NDFIP2: variants seen among roughly 807,000 people sequenced by gnomAD.
NDFIP2 encodes the protein NEDD4 family-interacting protein 2.
NDFIP2 carries 19 observed loss-of-function variants against 36.0 expected under a neutral mutation model. The observed-to-expected ratio is 0.53, with a 90% CI of 0.37 to 0.77. NDFIP2 has a LOEUF of 0.77. Ranked by LOEUF, NDFIP2 falls within the 30% of genes least tolerant of loss-of-function variation. The pLI, the probability that NDFIP2 is intolerant of heterozygous loss-of-function variation, is 0.00. For missense variants in NDFIP2, 446 were observed against 435.8 expected, an observed-to-expected ratio of 1.02 and a Z score of -0.21; for synonymous variants, 181 against 167.7, an observed-to-expected ratio of 1.08 and a Z score of -0.61.
In NDFIP2 at chr13:79,507,101, A is replaced by G. The variant is rs528480474; in HGVS notation, c.322-13709A>G. Among the ~76,000 whole-genome samples, 3 of 152,114 alleles carry G rather than the reference A, an allele frequency of 2.0e-5. No individual in the cohort carries two copies. In the South Asian group the frequency reaches 6.2e-4, roughly 32 times the overall value. On this transcript the variant is annotated intron_variant, in intron 1 of 7. Coordinates refer to ENST00000218652, the MANE Select transcript of NDFIP2 (RefSeq NM_019080.3). The stretch of plus-strand genomic sequence containing the variant: ...ATCTCTTTCTTCAGTTCTGAATTTT[A>G]TGTTGTATTTTTGCTTTTTTAGGGC...
intron 1 of NDFIP2, among the ~76,000 whole-genome samples, chr13:79,507,946 C>T (rs963962500): frequency 6.6e-6 from 1 of 151,492 alleles, no homozygotes; most frequent in African/African-American, 2.4e-5. Flanking sequence ...TGTTTTTCTG[C>T]TTTTCTTTGA....
rs143536057 is a variant in NDFIP2, at chr13:79,481,220, G to A, written c.17G>A (p.Ser6Asn). The part of the protein sequence containing the change: MARRR[S>N]QRVCASGPSM... ...GCGGCGCGGATGGCACGCCGGCGGA[G>A]CCAGCGAGTCTGCGCGAGCGGTCCG... is the stretch of plus-strand genomic sequence containing the variant. The change falls in exon 1 of 8, where the codon AGC becomes AAC. Residue 6 changes from serine (S) to asparagine (N), a missense_variant. Around this residue, in one of 2 missense-constraint regions of NDFIP2, gnomAD observed 369 missense variants for 304.8 expected, o/e 1.21. Coordinates refer to ENST00000218652, the MANE Select transcript of NDFIP2 (RefSeq NM_019080.3). 1,284 of 1,515,808 alleles carry A rather than the reference G, an allele frequency of 8.5e-4. 12 individuals carry two copies. The African/African-American group carries it at 0.016, about 19-fold the overall frequency. The allele number at this position is 1,515,808 out of a possible 1,614,324, so 93.9% of individuals were successfully genotyped here.
Position 79,485,316 on chromosome 13 carries a change from C to T in NDFIP2, c.321+3792C>T, listed in dbSNP as rs541990200. 7.4e-4 allele frequency among the ~76,000 whole-genome samples: 113 copies of T among 152,248 alleles called. 1 individual carries two copies. The highest frequency in any genetic ancestry group is 2.7e-3 in the African/African-American group (112 of 41,534). ...ACTGTGGTTGCCTGATCTTTGTTCC[C>T]TGTGTAACTTATTAGAAGAAACAGC... On this transcript the variant is annotated intron_variant, in intron 1 of 7. Transcript: ENST00000218652.
intron 1 of NDFIP2, among the ~76,000 whole-genome samples, chr13:79,509,940 G>C (rs762313701): frequency 2.0e-5 from 3 of 152,084 alleles, no homozygotes; most frequent in Non-Finnish European, 4.4e-5. Flanking sequence ...TGATTAGATG[G>C]TGCCCACTCA....
At chr13:79,525,729 A>G (rs929167387) in intron 2 of NDFIP2, among the ~76,000 whole-genome samples, 60 of 152,244 alleles carry the variant, frequency 3.9e-4, no homozygotes, top group African/African-American at 1.4e-3. Flanking sequence ...ATTCAGAACA[A>G]TGCACAATTT....
intron 1 of NDFIP2, among the ~76,000 whole-genome samples, chr13:79,490,984 A>G (rs557309297): frequency 6.6e-6 from 1 of 152,302 alleles, no homozygotes; most frequent in South Asian, 2.1e-4. Flanking sequence ...CATTGAGGTC[A>G]TTCTTGACTA....
In NDFIP2 at chr13:79,539,768, A is replaced by G; in HGVS notation, c.708A>G (p.Ala236=). 6.2e-7 allele frequency: 1 copy of G among 1,613,410 alleles called. No individual in the cohort carries two copies. Among genetic ancestry groups the G allele is most frequent in the Non-Finnish European group, 8.5e-7 (1 of 1,179,472 alleles). The change falls in exon 4 of 8, where the codon GCA becomes GCG. Residue 236 remains alanine, a synonymous_variant. Transcript: ENST00000218652. ...GGAATGATGGCATTTTCATGCTGGC[A>G]TTTTTCAGTAAGTAATCTTCCTAAA... ...RVGNDGIFML[A]FFMAFIFNWL... is the part of the protein sequence containing the mutation.
intron 1 of NDFIP2, among the ~76,000 whole-genome samples, chr13:79,501,275 C>T (rs547000209): frequency 4.6e-5 from 7 of 152,038 alleles, no homozygotes; most frequent in East Asian, 1.9e-4. Context: ...ATGGAAACAG[C>T]GCCAAGAGTG....
chr13:79,504,594 C>T (rs1306133212), intron 1 of NDFIP2, among the ~76,000 whole-genome samples: 2 of 151,518 alleles, frequency 1.3e-5, no homozygotes, highest in Admixed American at 1.3e-4. Flanking sequence ...AAACATTACA[C>T]TCAGTTATCA....
At chr13:79,502,603 CTAAT>C (rs1302214612) in intron 1 of NDFIP2, among the ~76,000 whole-genome samples, 3 of 152,054 alleles carry the variant, frequency 2.0e-5, no homozygotes, top group Admixed American at 6.6e-5. Flanking sequence ...TAAAGAAAAA[CTAAT>C]TAGAAGTACA....
intron 1 of NDFIP2, among the ~76,000 whole-genome samples, chr13:79,487,208 C>T (rs1442051147): frequency 6.6e-6 from 1 of 152,030 alleles, no homozygotes; most frequent in Non-Finnish European, 1.5e-5. Context: ...TCAATTCATA[C>T]CCCCCAGGTG....
intron 2 of NDFIP2, among the ~76,000 whole-genome samples, chr13:79,529,771 G>C (rs1874938733): frequency 6.6e-6 from 1 of 152,124 alleles, no homozygotes; most frequent in African/African-American, 2.4e-5. Context: ...TGTATTTTTA[G>C]GTTGAAAATG....
At chr13:79,513,436 A>C (rs1477374465) in intron 1 of NDFIP2, among the ~76,000 whole-genome samples, 1 of 152,264 alleles carries the variant, frequency 6.6e-6, no homozygotes, top group Non-Finnish European at 1.5e-5. Context: ...TAAACTTAAA[A>C]TATATCTAAC....
At chr13:79,500,815 T>C (rs73551558) in intron 1 of NDFIP2, among the ~76,000 whole-genome samples, 10,192 of 152,094 alleles carry the variant, frequency 0.067, 726 homozygotes, top group African/African-American at 0.17. Flanking sequence ...TCATGCTTCT[T>C]GATATTTACC....
chr13:79,552,028 T>C (rs1875927462), intron 7 of NDFIP2, among the ~76,000 whole-genome samples: 1 of 151,484 alleles, frequency 6.6e-6, no homozygotes, highest in African/African-American at 2.4e-5. Context: ...TTGCTTACAT[T>C]TTATCATTTA....
At chr13:79,481,665 T>C in intron 1 of NDFIP2, 141 bp downstream of exon 1, 4 of 1,063,254 alleles carry the variant, frequency 3.8e-6, no homozygotes, top group South Asian at 1.5e-5. Flanking sequence ...ATCTTCTGGC[T>C]GGAGCTGCTT....
intron 1 of NDFIP2, among the ~76,000 whole-genome samples, chr13:79,497,300 C>T (rs576524712): frequency 6.6e-6 from 1 of 152,038 alleles, no homozygotes; most frequent in Admixed American, 6.6e-5. Context: ...AATGGTTTCC[C>T]CTTACTTTCT....
intron 3 of NDFIP2, among the ~76,000 whole-genome samples, chr13:79,536,579 A>C (rs1326764388): frequency 2.6e-5 from 4 of 152,172 alleles, no homozygotes; most frequent in Non-Finnish European, 4.4e-5. Context: ...ATACCATTTT[A>C]TTTTTTAAAC....
At chr13:79,528,103 T>TA (rs1410315469) in intron 2 of NDFIP2, among the ~76,000 whole-genome samples, 2 of 151,882 alleles carry the variant, frequency 1.3e-5, no homozygotes, top group African/African-American at 4.8e-5. Context: ...CAACAAAAAA[T>TA]ACAAAAATTA....
Sources: allele counts gnomAD v4.1 joint callset (sites outside exome capture counted in the v4.1 genomes callset), GRCh38; gene constraint gnomAD v4.1.1; regional missense constraint gnomAD v4.1.1; transcripts MANE v1.5; gene names NCBI Gene and HGNC (gene_info 2026-07-23, HGNC 2026-07-21).